Variants in CENPP observed in about 807,000 individuals in gnomAD.
CENPP encodes centromere protein P.
A neutral mutation model predicts 35.6 loss-of-function variants in CENPP; 24 were observed. The ratio of observed to expected loss-of-function variants is 0.67; its 90% CI spans 0.49 to 0.95. The LOEUF (loss-of-function observed/expected upper bound fraction) is 0.95. Ranked by LOEUF, CENPP falls within the 40% of genes least tolerant of loss-of-function variation. The pLI is 0.00. For missense variants in CENPP, 332 were observed against 345.3 expected (o/e 0.96, Z 0.31); for synonymous variants, 120 against 125.5 (o/e 0.96, Z 0.29).
chr9:92,364,683 A>G (rs1034486597), intron 4 of CENPP, among the ~76,000 whole-genome samples: 2 of 152,224 alleles, frequency 1.3e-5, no homozygotes, highest in Admixed American at 6.5e-5. Context: ...TGTTAAAAGC[A>G]TATTATGTAC....
chr9:92,618,315 T>C lies in CENPP; in HGVS notation c.*5166T>C, dbSNP rs1441948171. ...GACATGCCCTCCCCTCCCCTCCTAG[T>C]GTCGTTTCTGCTGAGCAGCTGGTCG... On this transcript the variant is annotated 3_prime_UTR_variant, in exon 8 of 8. Coordinates refer to ENST00000375587, the MANE Select transcript of CENPP (RefSeq NM_001012267.3). The C allele has an allele frequency of 2.2e-6, 1 of 456,696 alleles. No homozygotes were observed. The highest frequency in any genetic ancestry group is 4.4e-6 in the Non-Finnish European group (1 of 226,964). 28.3% of individuals were successfully genotyped at this position (456,696 alleles called of 1,614,324 possible).
Position 92,515,351 on chromosome 9 carries a change from T to C in CENPP, c.565-95963T>C, listed in dbSNP as rs990862361. 6.2e-6 allele frequency: 7 copies of C among 1,120,750 alleles called. No individual in the cohort carries two copies. The African/African-American group carries it at 1.1e-4, about 18-fold the overall frequency. 69.4% of individuals were successfully genotyped at this position (1,120,750 alleles called of 1,614,324 possible). ...ATGAAATGCACCTTGAAATTCTTGCTTAAAAAGTTTTAATAGTCACTTTAT... is the reference window on the plus strand; with the variant it reads ...ATGAAATGCACCTTGAAATTCTTGCCTAAAAAGTTTTAATAGTCACTTTAT... On this transcript the variant is annotated intron_variant, in intron 5 of 7. Coordinates refer to ENST00000375587, the MANE Select transcript of CENPP (RefSeq NM_001012267.3).
intron 5 of CENPP, among the ~76,000 whole-genome samples, chr9:92,519,000 C>T (rs1351653114): frequency 2.0e-5 from 3 of 152,146 alleles, no homozygotes; most frequent in Non-Finnish European, 4.4e-5. Context: ...CATTAGAAAG[C>T]TGAGGAGAAT....
At chr9:92,415,997 G>T (rs1475296038) in intron 5 of CENPP, among the ~76,000 whole-genome samples, 3 of 136,306 alleles carry the variant, frequency 2.2e-5, no homozygotes, top group Non-Finnish European at 3.1e-5. Flanking sequence ...TAAATTATCA[G>T]TTATATATAT....
chr9:92,591,368 G>A (rs1850659622), intron 5 of CENPP, among the ~76,000 whole-genome samples: 1 of 151,818 alleles, frequency 6.6e-6, no homozygotes, highest in African/African-American at 2.4e-5. Context: ...GCAGTGAGCC[G>A]AGATTGCGCC....
At chr9:92,409,491 G>A (rs1489450243) in intron 5 of CENPP, among the ~76,000 whole-genome samples, 1 of 152,088 alleles carries the variant, frequency 6.6e-6, no homozygotes, top group African/African-American at 2.4e-5. Context: ...TTTTACTTTA[G>A]TGCTCCCAAG....
intron 5 of CENPP, among the ~76,000 whole-genome samples, chr9:92,571,045 A>AT (rs1288326225): frequency 2.6e-5 from 4 of 151,692 alleles, no homozygotes; most frequent in African/African-American, 9.7e-5. Flanking sequence ...GGATTCATTG[A>AT]TTTTTTTGAA....
At chr9:92,424,750 C>T (rs990613893) in intron 5 of CENPP, among the ~76,000 whole-genome samples, 1 of 152,200 alleles carries the variant, frequency 6.6e-6, no homozygotes, top group East Asian at 1.9e-4. Context: ...CCTCGGCTCA[C>T]CACAACCTCC....
chr9:92,608,678 CATT>C (rs1851150137), intron 5 of CENPP, among the ~76,000 whole-genome samples: 1 of 152,202 alleles, frequency 6.6e-6, no homozygotes. Context: ...AAGAATGGAG[CATT>C]ATTAACTTCC....
At chr9:92,536,288 CTG>C (rs1563993241) in intron 5 of CENPP, among the ~76,000 whole-genome samples, 1 of 152,024 alleles carries the variant, frequency 6.6e-6, no homozygotes, top group African/African-American at 2.4e-5. Flanking sequence ...ATTAAGAAAT[CTG>C]TGGTTTTCAT....
chr9:92,499,994 A>G (rs116974732), intron 5 of CENPP, among the ~76,000 whole-genome samples: 1 of 152,134 alleles, frequency 6.6e-6, no homozygotes, highest in Non-Finnish European at 1.5e-5. Context: ...GTCTTAATAA[A>G]TGTATTCAGA....
In CENPP at chr9:92,453,540, A is replaced by T. The variant is rs893947229; in HGVS notation, c.564+73681A>T. Among the ~76,000 whole-genome samples, 3 of 152,212 alleles carry T rather than the reference A, an allele frequency of 2.0e-5. No individual in the cohort carries two copies. In the South Asian group the frequency reaches 6.2e-4, roughly 32 times the overall value. On this transcript the variant is annotated intron_variant, in intron 5 of 7. Transcript: ENST00000375587. ...TCCAACTATATGGTCAATTTTGGAA[A>T]AGGTGTGGTGTGGTGCTGAAAAAAA... is the stretch of plus-strand genomic sequence containing the variant.
intron 5 of CENPP, among the ~76,000 whole-genome samples, chr9:92,409,304 T>C (rs1310816441): frequency 2.0e-5 from 3 of 152,236 alleles, no homozygotes; most frequent in South Asian, 4.1e-4. Context: ...ATTTCCAAGA[T>C]GTAGAAGAAA....
chr9:92,470,816 A>G, intron 5 of CENPP: 1 of 1,226,826 alleles, frequency 8.2e-7, no homozygotes, highest in Non-Finnish European at 1.2e-6. Flanking sequence ...ATAATAGAGA[A>G]TCATGCTGAA....
intron 5 of CENPP, among the ~76,000 whole-genome samples, chr9:92,443,092 A>G (rs1844462889): frequency 6.6e-6 from 1 of 152,202 alleles, no homozygotes; most frequent in Admixed American, 6.5e-5. Context: ...AATAAAAGGT[A>G]CAAAAGTAGA....
chr9:92,432,109 G>A (rs796806823), intron 5 of CENPP, among the ~76,000 whole-genome samples: 1 of 152,210 alleles, frequency 6.6e-6, no homozygotes, highest in African/African-American at 2.4e-5. Context: ...TGGATCACCT[G>A]AGGTCAGGAG....
At chr9:92,422,448 A>G (rs901768904) in intron 5 of CENPP, among the ~76,000 whole-genome samples, 1 of 152,204 alleles carries the variant, frequency 6.6e-6, no homozygotes, top group Non-Finnish European at 1.5e-5. Context: ...TTGTTCAACA[A>G]CTATGAAAAA....
At chr9:92,339,061 T>G (rs1289895174) in intron 3 of CENPP, among the ~76,000 whole-genome samples, 1 of 152,124 alleles carries the variant, frequency 6.6e-6, no homozygotes, top group African/African-American at 2.4e-5. Context: ...TTTCAACCAG[T>G]TGGTTTTGCC....
intron 5 of CENPP, among the ~76,000 whole-genome samples, chr9:92,606,468 TTTG>T (rs1336776975): frequency 6.6e-6 from 1 of 152,036 alleles, no homozygotes; most frequent in Non-Finnish European, 1.5e-5. Flanking sequence ...TGTGAAACAG[TTTG>T]GCAACTCCCC....
Sources: gnomAD v4.1 joint callset for allele counts (sites outside exome capture counted in the v4.1 genomes callset) on GRCh38, gnomAD v4.1.1 for gene constraint, MANE v1.5 for transcripts, NCBI Gene and HGNC (gene_info 2026-07-23, HGNC 2026-07-21) for gene names.